The following NELL2 variants were observed in gnomAD, a reference collection of about 807,000 sequenced individuals.
The protein encoded by NELL2 is neural EGFL like 2.
NELL2 carries 41 observed loss-of-function variants against 109.6 expected under a neutral mutation model. The ratio of observed to expected loss-of-function variants is 0.37; its 90% confidence interval spans 0.29 to 0.49. The LOEUF (loss-of-function observed/expected upper bound fraction) is 0.49. NELL2 is among the 20% of genes least tolerant of loss of function. NELL2 has a pLI of 0.98. For missense variants in NELL2, 900 were observed against 1,008.3 expected (o/e 0.89, Z 1.45); for synonymous variants, 355 against 344.7 (o/e 1.03, Z -0.33).
intron 2 of NELL2, among the ~76,000 whole-genome samples, chr12:44,873,193 T>C (rs1008164811): frequency 3.3e-5 from 5 of 152,120 alleles, no homozygotes; most frequent in African/African-American, 1.2e-4. Context: ...GAAAATGAAA[T>C]TTTACACCTT....
At chr12:44,801,838 A>G (rs1012536218) in intron 3 of NELL2, among the ~76,000 whole-genome samples, 1 of 152,132 alleles carries the variant, frequency 6.6e-6, no homozygotes, top group Non-Finnish European at 1.5e-5. Flanking sequence ...TCATTCAGTC[A>G]TTTAGTTGGC....
At chr12:44,696,141 C>T (rs976053600) in intron 12 of NELL2, among the ~76,000 whole-genome samples, 26 of 152,126 alleles carry the variant, frequency 1.7e-4, no homozygotes, top group African/African-American at 6.0e-4. Context: ...GATAGCATTA[C>T]AAAGACAGGA....
chr12:44,625,704 T>C (rs144096069), intron 13 of NELL2, among the ~76,000 whole-genome samples: 1 of 152,132 alleles, frequency 6.6e-6, no homozygotes, highest in African/African-American at 2.4e-5. Context: ...AGGCTTTTAT[T>C]TGTATGTCAT....
intron 13 of NELL2, among the ~76,000 whole-genome samples, chr12:44,620,382 T>C (rs1320823455): frequency 6.6e-6 from 1 of 152,162 alleles, no homozygotes. Context: ...GAATGCATCA[T>C]TGATCTATAG....
At chr12:44,844,391 T>C (rs962440192) in intron 2 of NELL2, among the ~76,000 whole-genome samples, 2 of 152,226 alleles carry the variant, frequency 1.3e-5, no homozygotes, top group African/African-American at 4.8e-5. Context: ...TATAACAACA[T>C]GGATGAATCT....
intron 9 of NELL2, among the ~76,000 whole-genome samples, chr12:44,742,675 T>C (rs1940058295): frequency 6.6e-6 from 1 of 152,084 alleles, no homozygotes; most frequent in African/African-American, 2.4e-5. Context: ...CAGTAGCCGA[T>C]GCGATCAACT....
Position 44,858,014 on chromosome 12 carries a change from C to T in NELL2, c.184+17211G>A, listed in dbSNP as rs73279187. On this transcript the variant is annotated intron_variant, in intron 2 of 19. Transcript: ENST00000429094. The stretch of plus-strand genomic sequence containing the variant: ...AAATCTAGCATTTCCACCTGAAAGC[C>T]CCTCAAAAGTCCAAGGGAGCATGAT... 6.0e-3 allele frequency among the ~76,000 whole-genome samples: 918 copies of T among 152,144 alleles called. 6 individuals carry two copies. The highest frequency in any genetic ancestry group is 0.021 in the African/African-American group (874 of 41,512).
At chr12:44,763,995 C>G (rs1941228478) in intron 9 of NELL2, among the ~76,000 whole-genome samples, 1 of 152,100 alleles carries the variant, frequency 6.6e-6, no homozygotes, top group Non-Finnish European at 1.5e-5. Context: ...TAAACTAAAA[C>G]TATTTTATGG....
Position 44,876,134 on chromosome 12 carries a change from G to T in NELL2, c.-265C>A. ...AGCGCGGCCCGGAGGGGGCCCGGAG[G>T]GAGGGGTCGGACTCGCCCCGGCGCG... On this transcript the variant is annotated 5_prime_UTR_variant, in exon 1 of 20. Coordinates refer to ENST00000429094, the MANE Select transcript of NELL2 (RefSeq NM_001145108.2). The T allele has an allele frequency of 7.7e-7, 1 of 1,295,622 alleles. No individual in the cohort carries two copies. Among genetic ancestry groups the T allele is most frequent in the Non-Finnish European group, 9.8e-7 (1 of 1,020,866 alleles). 80.3% of individuals were successfully genotyped at this position (1,295,622 alleles called of 1,614,324 possible). A position where few individuals can be genotyped will look rare whatever the true frequency, so the allele number is the denominator to read the frequency against.
chr12:44,692,984 G>T (rs1948945573), intron 12 of NELL2, among the ~76,000 whole-genome samples: 1 of 152,202 alleles, frequency 6.6e-6, no homozygotes, highest in Non-Finnish European at 1.5e-5. Context: ...TAAAGCAGCA[G>T]CAGGGTTTAA....
intron 1 of NELL2, among the ~76,000 whole-genome samples, chr12:44,894,590 T>C (rs557522642): frequency 6.6e-6 from 1 of 152,328 alleles, no homozygotes; most frequent in Admixed American, 6.5e-5. Context: ...CATCTTCTTT[T>C]GATAAAAAGT....
At chr12:44,629,511 T>C (rs1013503293) in intron 13 of NELL2, among the ~76,000 whole-genome samples, 1 of 152,138 alleles carries the variant, frequency 6.6e-6, no homozygotes, top group African/African-American at 2.4e-5. Context: ...TAAGCTTGCT[T>C]GGAAATGTAC....
intron 13 of NELL2, among the ~76,000 whole-genome samples, chr12:44,664,475 G>A (rs1259670043): frequency 6.6e-6 from 1 of 152,020 alleles, no homozygotes; most frequent in Non-Finnish European, 1.5e-5. Context: ...TCAATTAGCA[G>A]ACAGTATGGA....
At chr12:44,735,428 C>A (rs529445751) in intron 9 of NELL2, among the ~76,000 whole-genome samples, 1 of 151,814 alleles carries the variant, frequency 6.6e-6, no homozygotes, top group Non-Finnish European at 1.5e-5. Context: ...CTTGAGTCTC[C>A]CTGAAAAACC....
intron 12 of NELL2, among the ~76,000 whole-genome samples, chr12:44,683,559 T>C (rs1948604779): frequency 6.6e-6 from 1 of 152,108 alleles, no homozygotes; most frequent in African/African-American, 2.4e-5. Context: ...TGTGGGTTTG[T>C]CATAGATAGC....
At chr12:44,867,945 C>A (rs1283523268) in intron 2 of NELL2, among the ~76,000 whole-genome samples, 2 of 151,792 alleles carry the variant, frequency 1.3e-5, no homozygotes, top group Non-Finnish European at 2.9e-5. Flanking sequence ...CATGGTGAAA[C>A]CCTGTCTCTA....
At chr12:44,887,226 C>A (rs2710415) in intron 1 of NELL2, among the ~76,000 whole-genome samples, 3,709 of 151,896 alleles carry the variant, frequency 0.024, 192 homozygotes, top group African/African-American at 0.085. Context: ...TATATTCCAC[C>A]GGCTGGTCTC....
In NELL2 at chr12:44,890,749, G is replaced by T. The variant is rs938836426; in HGVS notation, c.39-14849C>A. On this transcript the variant is annotated intron_variant, in intron 1 of 20. Transcript: ENST00000333837. Reference sequence around the variant, plus strand: ...TATTTTATTTTATTTTATTTTTTTTGATACAGAGTCTCACTCTGTCACCCA... The same window carrying T: ...TATTTTATTTTATTTTATTTTTTTTTATACAGAGTCTCACTCTGTCACCCA... Among the ~76,000 whole-genome samples, 5 of 144,782 alleles carry T rather than the reference G, an allele frequency of 3.5e-5. No individual in the cohort carries two copies. In the South Asian group the frequency reaches 6.6e-4, roughly 19 times the overall value. 95.0% of individuals were successfully genotyped at this position (144,782 alleles called of 152,430 possible).
At chr12:44,678,210 G>A (rs1948380719) in intron 12 of NELL2, among the ~76,000 whole-genome samples, 1 of 151,980 alleles carries the variant, frequency 6.6e-6, no homozygotes, top group Non-Finnish European at 1.5e-5. Context: ...CAAAACGGTA[G>A]GCAGTCATCA....
Sources: gnomAD v4.1 joint callset for allele counts (sites outside exome capture counted in the v4.1 genomes callset) on GRCh38, gnomAD v4.1.1 for gene constraint, MANE v1.5 for transcripts, NCBI Gene and HGNC (gene_info 2026-07-23, HGNC 2026-07-21) for gene names.